The following COL6A3 variants were observed in gnomAD, a reference collection of about 807,000 sequenced individuals.
The protein encoded by COL6A3 is collagen type VI alpha 3 chain, also known as collagen alpha-3(VI) chain.
In COL6A3, 137 loss-of-function variants were observed where a neutral mutation model predicts 274.1. The ratio of observed to expected loss-of-function variants is 0.50; its 90% confidence interval spans 0.44 to 0.58. COL6A3 has a LOEUF of 0.58. Among genes scored for constraint, COL6A3 ranks in the 20% least tolerant of loss-of-function variants. The probability of loss-of-function intolerance (pLI) is 0.00; values close to 1 mark genes in which losing one functional copy is unlikely to be tolerated. For synonymous variants in COL6A3, 1,650 were observed against 1,650.6 expected, an observed-to-expected ratio of 1.00 and a Z score of 0.01; for missense variants, 3,950 against 4,124.9, an observed-to-expected ratio of 0.96 and a Z score of 1.16.
intron 31 of COL6A3, 110 bp downstream of exon 31, chr2:237,347,697 A>T: frequency 8.9e-7 from 1 of 1,125,006 alleles, no homozygotes; most frequent in Non-Finnish European, 1.3e-6. Flanking sequence ...ACCCTGTGCT[A>T]TCCCTGGCCA....
At chr2:237,328,911 G>T (rs1413295016) in intron 42 of COL6A3, 1 of 152,096 alleles carries the variant, frequency 6.6e-6, no homozygotes, top group African/African-American at 2.4e-5. Context: ...CTTCTCACTC[G>T]GCATTGTTGT....
chr2:237,403,825 C>T (rs950240151), intron 1 of COL6A3, among the ~76,000 whole-genome samples: 16 of 148,174 alleles, frequency 1.1e-4, no homozygotes, highest in South Asian at 2.1e-4. Context: ...CTACCCCCAC[C>T]GTGCCACAGC....
At position 237,381,169 on chromosome 2, in the gene COL6A3, C is replaced by A; in HGVS notation, c.1643G>T (p.Gly548Val). ...TSSAGYRAAE[G>V]IPKLLVLITG... ...GATCAGCACCAAAAGCTTAGGAATC[C>A]CCTCGGCAGCCCGGTAGCCGGCTGA... The change falls in exon 5 of 44, where the codon GGG (glycine) becomes GTG (valine). Residue 548 changes from glycine to valine, a missense_variant. By Grantham distance (109) the Gly-to-Val change is moderately radical. This residue lies in a region of COL6A3 where 1,934 missense variants were observed against 1,984.3 expected (regional missense o/e 0.97). Transcript: ENST00000295550. 1 of 1,614,258 alleles carries A rather than the reference C, an allele frequency of 6.2e-7. No homozygotes were observed.
chr2:237,375,789 C>T (rs1486259628), intron 7 of COL6A3, among the ~76,000 whole-genome samples: 4 of 152,178 alleles, frequency 2.6e-5, no homozygotes, highest in African/African-American at 4.8e-5. Context: ...GCAATGGGCC[C>T]GCCTTGGCCT....
Position 237,361,234 on chromosome 2 carries a change from G to A in COL6A3, c.6157-60C>T. Reference sequence around the variant, plus strand: ...CGTGGTCTTCTTTGCTCTACAGTAAGAATCCCTGTGGTCCCCCTTCATTTG... The same window carrying A: ...CGTGGTCTTCTTTGCTCTACAGTAAAAATCCCTGTGGTCCCCCTTCATTTG... On this transcript the variant is annotated intron_variant, in intron 15 of 43. Transcript: ENST00000295550. The surrounding 1 kb of genome is among the most constrained non-coding windows in gnomAD (Gnocchi z 5.1). The A allele has an allele frequency of 6.7e-7, 1 of 1,481,640 alleles. No individual in the cohort carries two copies. The highest frequency in any genetic ancestry group is 9.4e-7 in the Non-Finnish European group (1 of 1,060,316). 91.8% of individuals were successfully genotyped at this position (1,481,640 alleles called of 1,614,324 possible). A position where few individuals can be genotyped will look rare whatever the true frequency, so the allele number is the denominator to read the frequency against.
In COL6A3 at chr2:237,381,379, C is replaced by A; in HGVS notation, c.1433G>T (p.Gly478Val). The A allele has an allele frequency of 1.2e-6, 2 of 1,614,164 alleles. No individual in the cohort carries two copies. Among genetic ancestry groups the A allele is most frequent in the South Asian group, 1.1e-5 (1 of 91,084 alleles). Residue 478 changes from glycine to valine, a missense_variant, in exon 5 of 44, where the codon GGA becomes GTA. Around this residue, in one of 5 missense-constraint regions of COL6A3, gnomAD observed 1,934 missense variants for 1,984.3 expected, o/e 0.97. Coordinates refer to ENST00000295550, the MANE Select transcript of COL6A3 (RefSeq NM_004369.4). ...CACTGCCACCTGGATAAGATCCTGT[C>A]CGATTTCCAGCCTCTGGATGACTTT... is the stretch of plus-strand genomic sequence containing the variant. ...IAKVIQRLEI[G>V]QDLIQVAVAQ...
In COL6A3 at chr2:237,359,268, G is replaced by A. The variant is rs112905665; in HGVS notation, c.6310-18C>T. On this transcript the variant is annotated intron_variant, in intron 18 of 43. Coordinates refer to ENST00000295550, the MANE Select transcript of COL6A3 (RefSeq NM_004369.4). ...ACTTCGCCCTAAGAGGGAATAAGGCGGACAGGTAAGTATAGAAAGCTATTC... is the reference window on the plus strand; with the variant it reads ...ACTTCGCCCTAAGAGGGAATAAGGCAGACAGGTAAGTATAGAAAGCTATTC... 1,423 of 1,614,156 alleles carry A rather than the reference G, an allele frequency of 8.8e-4. 12 individuals carry two copies. The highest frequency in any genetic ancestry group is 5.9e-3 in the South Asian group (538 of 91,084).
chr2:237,324,923 C>A, intron 43 of COL6A3, 109 bp from the exon 44 acceptor site: 1 of 1,131,388 alleles, frequency 8.8e-7, no homozygotes. Context: ...GACACAGTCC[C>A]GCAGCCTCTG....
intron 4 of COL6A3, among the ~76,000 whole-genome samples, chr2:237,382,288 C>CA: frequency 6.6e-6 from 1 of 152,010 alleles, no homozygotes; most frequent in African/African-American, 2.4e-5. Context: ...GAGGATGAGG[C>CA]ATGAGAATCA....
Position 237,340,588 on chromosome 2 carries a change from C to T in COL6A3, c.8328G>A (p.Arg2776=), listed in dbSNP as rs1466934932. Residue 2776 remains arginine, a synonymous_variant, in exon 38 of 44, where the codon AGG becomes AGA. Transcript: ENST00000295550. ...TGTATACCTCCTTGATGTTCACCTTCCTGCCAATGCCCAGGACCACGAAGA... is the reference window on the plus strand; with the variant it reads ...TGTATACCTCCTTGATGTTCACCTTTCTGCCAATGCCCAGGACCACGAAGA... ...GYFFVVLGIG[R]KVNIKEVYTF... is the part of the protein sequence containing the mutation. The T allele has an allele frequency of 6.2e-7, 1 of 1,614,218 alleles. No individual in the cohort carries two copies. The highest frequency in any genetic ancestry group is 1.1e-5 in the South Asian group (1 of 91,080).
At chr2:237,396,629 G>A (rs558391167) in intron 2 of COL6A3, 98 bp downstream of exon 2, 9 of 1,232,602 alleles carry the variant, frequency 7.3e-6, no homozygotes, top group Admixed American at 6.7e-5. Context: ...GCTACCTTAA[G>A]AACATATCTA....
At chr2:237,392,164 G>A (rs957675339) in intron 3 of COL6A3, among the ~76,000 whole-genome samples, 3 of 152,168 alleles carry the variant, frequency 2.0e-5, no homozygotes, top group African/African-American at 7.2e-5. Context: ...GCTGAAATCA[G>A]GAGTAACCAC....
chr2:237,333,196 C>T (rs759715617), intron 42 of COL6A3: 47 of 559,068 alleles, frequency 8.4e-5, no homozygotes, highest in Admixed American at 2.3e-4. Context: ...CTAATGGATA[C>T]GTGAATTCTA....
intron 7 of COL6A3, 107 bp downstream of exon 7, chr2:237,376,665 G>C: frequency 8.9e-7 from 1 of 1,126,342 alleles, no homozygotes; most frequent in Non-Finnish European, 1.4e-6. Context: ...CACCTTTCCT[G>C]TAAACTCAAG....
chr2:237,375,304 GGA>G (rs1233661872), intron 7 of COL6A3, among the ~76,000 whole-genome samples: 6 of 152,150 alleles, frequency 3.9e-5, no homozygotes, highest in African/African-American at 1.2e-4. Context: ...AAGTCAGAGA[GGA>G]GAGAAAGTGC....
At chr2:237,372,413 T>A (rs2077717590) in intron 8 of COL6A3, 76 bp from the exon 9 acceptor site, 1 of 1,599,068 alleles carries the variant, frequency 6.3e-7, no homozygotes, top group Non-Finnish European at 8.5e-7. Flanking sequence ...CCGCCCAGTT[T>A]GTCATGGATT....
chr2:237,402,733 T>G (rs368126491), intron 1 of COL6A3, among the ~76,000 whole-genome samples: 1 of 152,166 alleles, frequency 6.6e-6, no homozygotes, highest in Non-Finnish European at 1.5e-5. Context: ...AATATGAACA[T>G]TCAGACCTGG....
chr2:237,344,699 G>A lies in COL6A3; in HGVS notation c.7319C>T (p.Pro2440Leu), dbSNP rs1275242433. The change falls in exon 36 of 44, where the codon CCA (proline) becomes CTA (leucine). Residue 2440 changes from proline to leucine, a missense_variant. Pro to Leu is a moderately conservative substitution (Grantham distance 98). Coordinates refer to ENST00000295550, the MANE Select transcript of COL6A3 (RefSeq NM_004369.4). The surrounding 1 kb of genome is among the most constrained non-coding windows in gnomAD (Gnocchi z 4.8). ...NDLTIAESNC[P>L]RGARVAVVTY... The stretch of plus-strand genomic sequence containing the variant: ...GACCACAGCCACCCGGGCCCCCCGT[G>A]GGCAGTTGCTCTCAGCAATGGTCAG... The A allele has an allele frequency of 1.2e-6, 2 of 1,609,170 alleles. No individual in the cohort carries two copies. The highest frequency in any genetic ancestry group is 1.7e-6 in the Non-Finnish European group (2 of 1,177,118).
chr2:237,327,208 C>T (rs1265004859), intron 42 of COL6A3: 1 of 152,250 alleles, frequency 6.6e-6, no homozygotes, highest in Non-Finnish European at 1.5e-5. Flanking sequence ...TTACTGGTGG[C>T]TTCCCTGTTA....
Sources: gnomAD v4.1 joint callset for allele counts (sites outside exome capture counted in the v4.1 genomes callset) on GRCh38, gnomAD v4.1.1 for gene constraint, gnomAD v4.1.1 regional missense constraint, Gnocchi (gnomAD v3.1) non-coding constraint, MANE v1.5 for transcripts, NCBI Gene and HGNC (gene_info 2026-07-23, HGNC 2026-07-21) for gene names.